The following CSMD1 variants were observed in gnomAD, a reference collection of about 807,000 sequenced individuals.
CSMD1 encodes the protein CUB and sushi domain-containing protein 1.
Under a neutral mutation model 417.5 loss-of-function variants are expected in CSMD1, and 213 were observed. The observed-to-expected ratio is 0.51, with a 90% confidence interval of 0.46 to 0.57. The LOEUF (loss-of-function observed/expected upper bound fraction) is 0.57, where lower values mean the gene tolerates loss of function less well. Ranked by LOEUF, CSMD1 falls within the 20% of genes least tolerant of loss-of-function variation. The pLI is 0.00. For missense variants in CSMD1, 6,923 were observed against 4,529.7 expected, an observed-to-expected ratio of 1.53 and a Z score of -15.17; for synonymous variants, 2,862 against 1,736.8, an observed-to-expected ratio of 1.65 and a Z score of -16.11.
chr8:3,754,844 T>C (rs980466465), intron 5 of CSMD1, among the ~76,000 whole-genome samples: 4 of 152,148 alleles, frequency 2.6e-5, no homozygotes, highest in African/African-American at 9.7e-5. Flanking sequence ...AGCATCCCAT[T>C]TGCAGGACTA....
At chr8:4,166,171 C>G (rs1478493104) in intron 3 of CSMD1, among the ~76,000 whole-genome samples, 1 of 152,066 alleles carries the variant, frequency 6.6e-6, no homozygotes, top group Non-Finnish European at 1.5e-5. Flanking sequence ...TTGTAGTAGT[C>G]TACTTGAAAA....
chr8:4,702,457 TA>T (rs1394577145), intron 1 of CSMD1, among the ~76,000 whole-genome samples: 1 of 152,160 alleles, frequency 6.6e-6, no homozygotes, highest in Non-Finnish European at 1.5e-5. Flanking sequence ...TGGAACATTC[TA>T]AATAGTCCCC....
chr8:3,420,099 A>G (rs371084166), intron 12 of CSMD1, among the ~76,000 whole-genome samples: 1 of 152,332 alleles, frequency 6.6e-6, no homozygotes, highest in East Asian at 1.9e-4. Flanking sequence ...CATCATTGAT[A>G]TTACTTTTAA....
intron 2 of CSMD1, among the ~76,000 whole-genome samples, chr8:4,442,322 A>C (rs1347541549): frequency 6.6e-6 from 1 of 152,180 alleles, no homozygotes; most frequent in Non-Finnish European, 1.5e-5. Flanking sequence ...ACAAAGTATA[A>C]AGTAGAAGTT....
In CSMD1 at chr8:3,037,451, G is replaced by A. The variant is rs542648546; in HGVS notation, c.7661-7938C>T. ...TCTGGATCTTCTGACCTCGTGATCCGCCCGCCTCGGCCTCCCTATACCGCA... is the reference window on the plus strand; with the variant it reads ...TCTGGATCTTCTGACCTCGTGATCCACCCGCCTCGGCCTCCCTATACCGCA... On this transcript the variant is annotated intron_variant, in intron 50 of 69. Coordinates refer to ENST00000635120, the MANE Select transcript of CSMD1 (RefSeq NM_033225.6). Among the ~76,000 whole-genome samples, 6 of 152,050 alleles carry A rather than the reference G, an allele frequency of 3.9e-5. No homozygotes were observed. The East Asian group carries it at 7.8e-4, about 20-fold the overall frequency.
intron 25 of CSMD1, among the ~76,000 whole-genome samples, chr8:3,292,441 A>C (rs1225119636): frequency 6.6e-6 from 1 of 152,082 alleles, no homozygotes; most frequent in Non-Finnish European, 1.5e-5. Context: ...AAAGTCTCCC[A>C]TTATTATTGT....
At chr8:3,977,490 G>A (rs1005007453) in intron 5 of CSMD1, among the ~76,000 whole-genome samples, 2 of 152,136 alleles carry the variant, frequency 1.3e-5, no homozygotes, top group Non-Finnish European at 2.9e-5. Flanking sequence ...AAAAAATTAA[G>A]GAAAACTCAC....
chr8:4,516,306 G>T (rs977998537), intron 2 of CSMD1, among the ~76,000 whole-genome samples: 2 of 152,054 alleles, frequency 1.3e-5, no homozygotes, highest in African/African-American at 2.4e-5. Context: ...CCGTGATCTT[G>T]GACTTCTCGA....
intron 2 of CSMD1, among the ~76,000 whole-genome samples, chr8:4,505,784 G>A (rs1802491987): frequency 6.6e-6 from 1 of 151,804 alleles, no homozygotes; most frequent in South Asian, 2.1e-4. Flanking sequence ...ACCAACATAT[G>A]AGTTCCACAC....
chr8:3,751,362 CTATA>C (rs1420996119), intron 6 of CSMD1, among the ~76,000 whole-genome samples: 2 of 143,236 alleles, frequency 1.4e-5, no homozygotes, highest in South Asian at 2.2e-4. Context: ...ACATCTACAT[CTATA>C]TATAAATTAT....
chr8:3,761,712 G>A (rs1054862899), intron 5 of CSMD1, among the ~76,000 whole-genome samples: 1 of 151,940 alleles, frequency 6.6e-6, no homozygotes, highest in Non-Finnish European at 1.5e-5. Flanking sequence ...CACCATGTTG[G>A]CCAGGCTGGT....
intron 1 of CSMD1, among the ~76,000 whole-genome samples, chr8:4,803,098 T>C (rs192997043): frequency 3.1e-4 from 47 of 152,314 alleles, no homozygotes; most frequent in African/African-American, 1.1e-3. Context: ...AATTGCTTAG[T>C]CTTATTTAAA....
chr8:3,929,031 G>A (rs972846238), intron 5 of CSMD1, among the ~76,000 whole-genome samples: 5 of 150,348 alleles, frequency 3.3e-5, no homozygotes, highest in African/African-American at 1.2e-4. Context: ...GTAACTCTCA[G>A]GGCCATCAGC....
At chr8:3,734,377 G>C (rs1397168263) in intron 6 of CSMD1, among the ~76,000 whole-genome samples, 2 of 152,164 alleles carry the variant, frequency 1.3e-5, no homozygotes, top group Admixed American at 6.5e-5. Context: ...AAATGGATTT[G>C]CTTCTGCCTG....
At chr8:3,995,675 A>C (rs1424209539) in intron 5 of CSMD1, among the ~76,000 whole-genome samples, 1 of 152,230 alleles carries the variant, frequency 6.6e-6, no homozygotes, top group Non-Finnish European at 1.5e-5. Context: ...TACAATAATA[A>C]AGAGACAATA....
chr8:3,881,274 T>TC (rs397812486), intron 5 of CSMD1, among the ~76,000 whole-genome samples: 4 of 150,840 alleles, frequency 2.7e-5, no homozygotes, highest in Non-Finnish European at 5.9e-5. Flanking sequence ...CTTTTTTTTT[T>TC]CACTAATTCA....
chr8:3,343,678 C>A (rs910241053), intron 22 of CSMD1, among the ~76,000 whole-genome samples: 1 of 152,102 alleles, frequency 6.6e-6, no homozygotes, highest in Non-Finnish European at 1.5e-5. Flanking sequence ...TTGTTCAGAT[C>A]ATTTTATATT....
chr8:3,534,061 T>G (rs1012329514), intron 10 of CSMD1, among the ~76,000 whole-genome samples: 8 of 152,200 alleles, frequency 5.3e-5, no homozygotes, highest in African/African-American at 1.7e-4. Flanking sequence ...GTTACTAGTT[T>G]TGACTTCCTT....
intron 3 of CSMD1, among the ~76,000 whole-genome samples, chr8:4,155,625 A>C (rs1796795511): frequency 6.6e-6 from 1 of 152,036 alleles, no homozygotes; most frequent in Non-Finnish European, 1.5e-5. Context: ...ATTTTTTATC[A>C]CTCTTGGTTA....
Sources: allele counts gnomAD v4.1 joint callset (sites outside exome capture counted in the v4.1 genomes callset), GRCh38; gene constraint gnomAD v4.1.1; transcripts MANE v1.5; gene names NCBI Gene and HGNC (gene_info 2026-07-23, HGNC 2026-07-21).